CAPZA1: variants seen among roughly 807,000 people sequenced by gnomAD.
CAPZA1 encodes capping actin protein of muscle Z-line subunit alpha 1, also known as F-actin-capping protein subunit alpha-1.
CAPZA1 carries 10 observed loss-of-function variants against 40.8 expected under a neutral mutation model. The observed-to-expected ratio is 0.25, with a 90% CI of 0.15 to 0.42. The LOEUF (loss-of-function observed/expected upper bound fraction) is 0.42, where lower values mean the gene tolerates loss of function less well. Ranked by LOEUF, CAPZA1 falls within the 10% of genes least tolerant of loss-of-function variation. The pLI is 1.00. For missense variants in CAPZA1, 277 were observed against 353.8 expected (o/e 0.78, Z 1.74); for synonymous variants, 98 against 115.0 (o/e 0.85, Z 0.95).
chr1:112,626,280 G>A (rs1449890767), intron 1 of CAPZA1: 1 of 152,034 alleles, frequency 6.6e-6, no homozygotes, highest in Non-Finnish European at 1.5e-5. Flanking sequence ...TAGGTATATA[G>A]GAACTATAAT....
intron 3 of CAPZA1, among the ~76,000 whole-genome samples, chr1:112,653,204 C>T (rs1671431367): frequency 6.6e-6 from 1 of 152,174 alleles, no homozygotes; most frequent in Non-Finnish European, 1.5e-5. Context: ...TGGTGGTGTG[C>T]ACCTGTAGTC....
chr1:112,654,504 T>C lies in CAPZA1; in HGVS notation c.259T>C (p.Phe87Leu). 6.2e-7 allele frequency: 1 copy of C among 1,613,784 alleles called. No homozygotes were observed. Among genetic ancestry groups the C allele is most frequent in the Non-Finnish European group, 8.5e-7 (1 of 1,179,758 alleles). The change falls in exon 5 of 10, where the codon TTT (phenylalanine) becomes CTT (leucine). Residue 87 changes from phenylalanine to leucine, a missense_variant. Physicochemically the swap from Phe to Leu is conservative, Grantham distance 22. Around this residue, in one of 2 missense-constraint regions of CAPZA1, gnomAD observed 192 missense variants for 277.2 expected, o/e 0.69. Coordinates refer to ENST00000263168, the MANE Select transcript of CAPZA1 (RefSeq NM_006135.3). ...TEHGDLGNSR[F>L]LDPRNKISFK... ...GCACGGTGACCTGGGTAATAGCAGA[T>C]TTTTAGATCCAAGAAACAAAATTTC...
chr1:112,644,649 GTTC>G (rs764742807), intron 1 of CAPZA1, among the ~76,000 whole-genome samples: 2 of 152,076 alleles, frequency 1.3e-5, no homozygotes, highest in South Asian at 4.1e-4. Flanking sequence ...GATATACCAT[GTTC>G]TTCTTTGCCC....
Position 112,659,001 on chromosome 1 carries a change from ATT to A in CAPZA1, c.427-13_427-12del. 3 of 1,529,266 alleles carry A rather than the reference ATT, an allele frequency of 2.0e-6. No homozygotes were observed. Among genetic ancestry groups the A allele is most frequent in the South Asian group, 2.3e-5 (2 of 88,342 alleles). The allele number at this position is 1,529,266 out of a possible 1,614,324, so 94.7% of individuals were successfully genotyped here. The stretch of plus-strand genomic sequence containing the variant: ...TTAAAAGTGTTTGGAGTCTTTAACT[ATT>A]TTTTTTTCCCAACAATAGGTTTATG... On this transcript the variant is annotated intron_variant, in intron 5 of 9. Coordinates refer to ENST00000263168, the MANE Select transcript of CAPZA1 (RefSeq NM_006135.3).
At chr1:112,639,811 C>T (rs1671097910) in intron 1 of CAPZA1, among the ~76,000 whole-genome samples, 1 of 151,216 alleles carries the variant, frequency 6.6e-6, no homozygotes, top group African/African-American at 2.4e-5. Context: ...GCCGCCCCTA[C>T]TGGGAAGTGA....
chr1:112,621,046 G>C (rs981900132), intron 1 of CAPZA1, among the ~76,000 whole-genome samples: 8 of 152,154 alleles, frequency 5.3e-5, no homozygotes, highest in African/African-American at 1.7e-4. Context: ...TAAGTCCTCT[G>C]TACGGAATAA....
intron 1 of CAPZA1, among the ~76,000 whole-genome samples, chr1:112,624,013 AAAAAAAAG>A (rs576792995): frequency 0.01 from 1,553 of 148,414 alleles, 18 homozygotes; most frequent in Non-Finnish European, 0.017. Flanking sequence ...CTCAAAAAAA[AAAAAAAAG>A]AAAAAAGAAA....
chr1:112,663,024 A>G (rs1206923916), intron 7 of CAPZA1, among the ~76,000 whole-genome samples: 1 of 151,470 alleles, frequency 6.6e-6, no homozygotes, highest in African/African-American at 2.4e-5. Context: ...GAGTGCAGTG[A>G]CACGACCTTG....
At chr1:112,651,699 G>T (rs983033679) in intron 3 of CAPZA1, among the ~76,000 whole-genome samples, 5 of 151,308 alleles carry the variant, frequency 3.3e-5, no homozygotes, top group African/African-American at 9.7e-5. Context: ...CTTCCTACTC[G>T]TTTTTTTTTA....
At chr1:112,637,038 A>T (rs1671033623) in intron 1 of CAPZA1, among the ~76,000 whole-genome samples, 2 of 152,250 alleles carry the variant, frequency 1.3e-5, no homozygotes, top group Non-Finnish European at 1.5e-5. Context: ...AGTCAAATTC[A>T]TGTGACACAC....
chr1:112,627,636 CAAAAAAAAAA>C (rs3034524), intron 1 of CAPZA1, among the ~76,000 whole-genome samples: 13 of 50,774 alleles, frequency 2.6e-4, no homozygotes, highest in South Asian at 1.1e-3. Flanking sequence ...GACTCTGTCT[CAAAAAAAAAA>C]AAAAAAAAAA....
At chr1:112,659,829 T>C in intron 7 of CAPZA1, 50 bp downstream of exon 7, 2 of 1,415,596 alleles carry the variant, frequency 1.4e-6, no homozygotes, top group South Asian at 1.2e-5. Context: ...CTTTAAAACA[T>C]GTGCAGGTTG....
chr1:112,637,008 T>C (rs1482721795), intron 1 of CAPZA1, among the ~76,000 whole-genome samples: 1 of 152,256 alleles, frequency 6.6e-6, no homozygotes, highest in Non-Finnish European at 1.5e-5. Flanking sequence ...CAATTCTTGG[T>C]TAAAACAGTC....
intron 7 of CAPZA1, among the ~76,000 whole-genome samples, chr1:112,662,375 T>C (rs1342888567): frequency 6.7e-6 from 1 of 150,210 alleles, no homozygotes; most frequent in Non-Finnish European, 1.5e-5. Context: ...GTAATGAAAT[T>C]AATATTTTTT....
intron 1 of CAPZA1, among the ~76,000 whole-genome samples, chr1:112,630,924 C>T (rs1040260306): frequency 5.3e-5 from 8 of 152,094 alleles, no homozygotes; most frequent in Non-Finnish European, 1.0e-4. Flanking sequence ...TTGTATCTAC[C>T]AGGATGAATT....
At chr1:112,626,045 A>G (rs1670799415) in intron 1 of CAPZA1, 2 of 152,492 alleles carry the variant, frequency 1.3e-5, no homozygotes, top group African/African-American at 4.8e-5. Context: ...GCTCGAAGTC[A>G]TTATGCTGCA....
At chr1:112,669,963 A>G in intron 9 of CAPZA1, 29 bp from the exon 10 acceptor site, 1 of 1,613,164 alleles carries the variant, frequency 6.2e-7, no homozygotes. Flanking sequence ...TTTCTGTTCA[A>G]GCAACTCATC....
intron 3 of CAPZA1, among the ~76,000 whole-genome samples, chr1:112,651,719 T>G (rs1671390307): frequency 1.3e-5 from 2 of 152,198 alleles, no homozygotes; most frequent in Non-Finnish European, 1.5e-5. Flanking sequence ...AAACTAACAT[T>G]TATTCTACTT....
chr1:112,631,549 A>G (rs1022333190), intron 1 of CAPZA1, among the ~76,000 whole-genome samples: 1 of 152,228 alleles, frequency 6.6e-6, no homozygotes, highest in Admixed American at 6.5e-5. Context: ...TTAAGTTAGA[A>G]TGCCGTAACA....
Sources: allele counts gnomAD v4.1 joint callset (sites outside exome capture counted in the v4.1 genomes callset), GRCh38; gene constraint gnomAD v4.1.1; regional missense constraint gnomAD v4.1.1; transcripts MANE v1.5; gene names NCBI Gene and HGNC (gene_info 2026-07-23, HGNC 2026-07-21).